The following ZNF736 variants were observed in gnomAD, a reference collection of about 807,000 sequenced individuals.
The protein encoded by ZNF736 is zinc finger protein 736.
Under a neutral mutation model 11.7 loss-of-function variants are expected in ZNF736, and 6 were observed. That is an observed-to-expected ratio of 0.51 (90% CI 0.28 to 1.01). ZNF736 has a LOEUF of 1.01. Ranked by LOEUF, ZNF736 falls within the 50% of genes least tolerant of loss-of-function variation. The probability of loss-of-function intolerance (pLI) is 0.09; values close to 1 mark genes in which losing one functional copy is unlikely to be tolerated. For synonymous variants in ZNF736, 139 were observed against 164.7 expected (o/e 0.84, Z 1.19); for missense variants, 444 against 496.0 (o/e 0.90, Z 1.00).
chr7:64,344,962 A>G (rs1789387298), intron 3 of ZNF736, among the ~76,000 whole-genome samples: 2 of 150,238 alleles, frequency 1.3e-5, no homozygotes, highest in Admixed American at 6.6e-5. Flanking sequence ...TTGAGATCTT[A>G]TGTAATTTTG....
intron 3 of ZNF736, among the ~76,000 whole-genome samples, 175 bp from the exon 4 acceptor site, chr7:64,347,915 T>C (rs1584277564): frequency 2.0e-5 from 3 of 152,356 alleles, no homozygotes; most frequent in African/African-American, 7.2e-5. Flanking sequence ...AACTGGTTCT[T>C]AGACTTCTCA....
chr7:64,345,935 A>G (rs529460774), intron 3 of ZNF736, among the ~76,000 whole-genome samples: 1 of 152,294 alleles, frequency 6.6e-6, no homozygotes, highest in East Asian at 1.9e-4. Context: ...GAGCTATTGA[A>G]AAGAATGTGT....
At chr7:64,335,418 G>A (rs7794502) in intron 1 of ZNF736, among the ~76,000 whole-genome samples, 13,578 of 151,934 alleles carry the variant, frequency 0.089, 989 homozygotes, top group African/African-American at 0.19. Flanking sequence ...ACCCTTTTTT[G>A]TGTTAATGTT....
intron 1 of ZNF736, among the ~76,000 whole-genome samples, chr7:64,316,301 A>G (rs1332330617): frequency 2.0e-5 from 3 of 151,938 alleles, no homozygotes; most frequent in Admixed American, 2.0e-4. Context: ...TAACATTAAG[A>G]TTTTTTTCCC....
chr7:64,332,529 G>C lies in ZNF736; in HGVS notation c.4-3730G>C, dbSNP rs184191981. 2.6e-5 allele frequency among the ~76,000 whole-genome samples: 4 copies of C among 152,314 alleles called. No individual in the cohort carries two copies. The East Asian group carries it at 7.7e-4, about 29-fold the overall frequency. ...AACTGATAAGGGTCTGGGTTCAGCT[G>C]TGCACGTATTGTCTTGATAAACATC... On this transcript the variant is annotated intron_variant, in intron 1 of 3. Coordinates refer to ENST00000423484, the MANE Select transcript of ZNF736 (RefSeq NM_001170905.3).
At chr7:64,339,003 T>G (rs1209354074) in intron 3 of ZNF736, among the ~76,000 whole-genome samples, 1 of 152,154 alleles carries the variant, frequency 6.6e-6, no homozygotes, top group Non-Finnish European at 1.5e-5. Flanking sequence ...ATAAATCTTC[T>G]TGATATTAGC....
At position 64,348,965 on chromosome 7, in the gene ZNF736, C is replaced by G. The variant is rs561402041; in HGVS notation, c.1102C>G (p.Pro368Ala). ...NHKRIHMEERPYKCEECSKTF... is the reference protein window; with the variant it reads ...NHKRIHMEERAYKCEECSKTF... ...CAAGAGAATTCATATGGAAGAGAGACCTTACAAATGTGAAGAATGCAGCAA... is the reference window on the plus strand; with the variant it reads ...CAAGAGAATTCATATGGAAGAGAGAGCTTACAAATGTGAAGAATGCAGCAA... Residue 368 changes from proline (P) to alanine (A), a missense_variant, in exon 4 of 4, where the codon CCT (proline) becomes GCT (alanine). Transcript: ENST00000423484. 6.3e-7 allele frequency: 1 copy of G among 1,591,066 alleles called. No individual in the cohort carries two copies. Among genetic ancestry groups the G allele is most frequent in the East Asian group, 2.3e-5 (1 of 43,430 alleles).
rs987439919 is a variant in ZNF736, at chr7:64,353,777, AAGAG to A, written c.*4632_*4635del. The A allele has an allele frequency of 6.6e-6, 1 of 152,230 alleles. No homozygotes were observed. Among genetic ancestry groups the A allele is most frequent in the African/African-American group, 2.4e-5 (1 of 41,458 alleles). The allele number at this position is 152,230 out of a possible 1,614,324, so 9.4% of individuals were successfully genotyped here. On this transcript the variant is annotated 3_prime_UTR_variant, in exon 4 of 4. Transcript: ENST00000423484. ...TGATCAGGATAATAATCTGCTTAGT[AAGAG>A]AAACAATTTGAATTTTAGAAGGAAA...
chr7:64,329,666 A>G (rs1415559049), intron 1 of ZNF736, among the ~76,000 whole-genome samples: 1 of 152,132 alleles, frequency 6.6e-6, no homozygotes, highest in African/African-American at 2.4e-5. Flanking sequence ...GTGTAACACT[A>G]GCACCCCTGT....
At chr7:64,321,624 G>A (rs908927101) in intron 1 of ZNF736, among the ~76,000 whole-genome samples, 2 of 152,136 alleles carry the variant, frequency 1.3e-5, no homozygotes, top group Admixed American at 1.3e-4. Flanking sequence ...GCAAAGTCTT[G>A]ACCTCATGAA....
chr7:64,314,243 C>T, intron 1 of ZNF736, 90 bp downstream of exon 1: 1 of 1,505,910 alleles, frequency 6.6e-7, no homozygotes, highest in Non-Finnish European at 9.0e-7. Flanking sequence ...GGCCTTCTCG[C>T]GGTCTGCTCT....
Position 64,348,271 on chromosome 7 carries a change from T to C in ZNF736, c.408T>C (p.Cys136=). ...GCAGTTATAATGGCCTTCATCAATG[T>C]TTGTCAGCTACCCATAGCAAAACCT... ...QKSSYNGLHQ[C]LSATHSKTCQ... is the part of the protein sequence containing the mutation. The change falls in exon 4 of 4, where the codon TGT becomes TGC. Residue 136 remains cysteine, a synonymous_variant. Coordinates refer to ENST00000423484, the MANE Select transcript of ZNF736 (RefSeq NM_001170905.3). The C allele has an allele frequency of 6.4e-7, 1 of 1,551,978 alleles. No individual in the cohort carries two copies. Among genetic ancestry groups the C allele is most frequent in the Non-Finnish European group, 8.7e-7 (1 of 1,146,914 alleles).
At chr7:64,320,176 G>C (rs1283540316) in intron 1 of ZNF736, among the ~76,000 whole-genome samples, 1 of 152,166 alleles carries the variant, frequency 6.6e-6, no homozygotes, top group Non-Finnish European at 1.5e-5. Context: ...CAAAAAAATT[G>C]TAGCTCTTCT....
chr7:64,343,324 C>T (rs1318323948), intron 3 of ZNF736, among the ~76,000 whole-genome samples: 2 of 152,126 alleles, frequency 1.3e-5, no homozygotes, highest in South Asian at 2.1e-4. Flanking sequence ...AAGGCAAATA[C>T]TGCATGTTCT....
chr7:64,330,666 G>A (rs1432335738), intron 1 of ZNF736, among the ~76,000 whole-genome samples: 1 of 152,222 alleles, frequency 6.6e-6, no homozygotes, highest in South Asian at 2.1e-4. Context: ...GGATTGCACT[G>A]TACTGGGTCT....
intron 1 of ZNF736, among the ~76,000 whole-genome samples, chr7:64,314,751 G>A (rs1788887339): frequency 6.6e-6 from 1 of 152,230 alleles, no homozygotes; most frequent in African/African-American, 2.4e-5. Context: ...TTTTTGTAGA[G>A]ACAGGCTTTT....
chr7:64,334,995 A>T (rs1324179632), intron 1 of ZNF736, among the ~76,000 whole-genome samples: 1 of 152,202 alleles, frequency 6.6e-6, no homozygotes, highest in Non-Finnish European at 1.5e-5. Flanking sequence ...TGGGACATGG[A>T]TGAAGCTGGA....
chr7:64,329,398 G>T (rs1238407074), intron 1 of ZNF736, among the ~76,000 whole-genome samples: 2 of 152,066 alleles, frequency 1.3e-5, no homozygotes, highest in Non-Finnish European at 2.9e-5. Context: ...TCTTAGAAAG[G>T]CTTTCCAAGT....
Position 64,336,373 on chromosome 7 carries a change from C to G in ZNF736, c.118C>G (p.Leu40Val). The change falls in exon 2 of 4, where the codon CTG becomes GTG. Residue 40 changes from leucine to valine, a missense_variant. By Grantham distance (32) the Leu-to-Val change is conservative. Transcript: ENST00000423484. ...TGTGATGTTAGAGAACTATGGAAAC[C>G]TGGTCTCCTTGGGTGAGAATAACTT... ...RDVMLENYGN[L>V]VSLGLAIFKP... 6.2e-7 allele frequency: 1 copy of G among 1,612,130 alleles called. No individual in the cohort carries two copies.
Sources: gnomAD v4.1 joint callset for allele counts (sites outside exome capture counted in the v4.1 genomes callset) on GRCh38, gnomAD v4.1.1 for gene constraint, MANE v1.5 for transcripts, NCBI Gene and HGNC (gene_info 2026-07-23, HGNC 2026-07-21) for gene names.